The following EXD1 variants were observed in gnomAD, a reference collection of about 807,000 sequenced individuals.
The protein encoded by EXD1 is piRNA biogenesis protein EXD1.
In EXD1, 63 loss-of-function variants were observed where a neutral mutation model predicts 49.1. That is an observed-to-expected ratio of 1.28 (90% CI 1.05 to 1.58). The LOEUF (loss-of-function observed/expected upper bound fraction) is 1.58, where lower values mean the gene tolerates loss of function less well. EXD1 is among the 40% of genes most tolerant of loss of function. EXD1 has a pLI of 0.00. For missense variants in EXD1, 748 were observed against 666.0 expected, an observed-to-expected ratio of 1.12 and a Z score of -1.36; for synonymous variants, 234 against 239.2, an observed-to-expected ratio of 0.98 and a Z score of 0.20.
intron 6 of EXD1, among the ~76,000 whole-genome samples, 184 bp from the exon 7 acceptor site, chr15:41,209,771 T>A (rs1230316055): frequency 1.2e-5 from 1 of 80,562 alleles, no homozygotes; most frequent in Non-Finnish European, 3.0e-5. Context: ...ACTGAATACT[T>A]CTGATTCTTT....
At chr15:41,196,320 T>TTC (rs1251288829) in intron 7 of EXD1, among the ~76,000 whole-genome samples, 3 of 145,540 alleles carry the variant, frequency 2.1e-5, no homozygotes, top group African/African-American at 7.8e-5. Flanking sequence ...TAATTTTTTT[T>TTC]TTTTTTTTTT....
At chr15:41,206,132 A>G (rs1462569976) in intron 7 of EXD1, among the ~76,000 whole-genome samples, 5 of 152,152 alleles carry the variant, frequency 3.3e-5, no homozygotes, top group African/African-American at 1.2e-4. Flanking sequence ...GATTATGTGT[A>G]AAACTGATAA....
chr15:41,190,537 C>T (rs964221203), intron 10 of EXD1, among the ~76,000 whole-genome samples: 1 of 152,106 alleles, frequency 6.6e-6, no homozygotes, highest in Non-Finnish European at 1.5e-5. Context: ...TAATTTAAGA[C>T]ACTATCATTT....
chr15:41,221,399 G>C (rs2047086363), intron 2 of EXD1, among the ~76,000 whole-genome samples: 2 of 152,072 alleles, frequency 1.3e-5, no homozygotes, highest in African/African-American at 2.4e-5. Context: ...AGCCTTCCAA[G>C]TGGTTGGGAC....
intron 9 of EXD1, chr15:41,191,970 C>A: frequency 5.6e-6 from 1 of 179,048 alleles, no homozygotes; most frequent in Non-Finnish European, 1.2e-5. Context: ...TTTTAAGAGA[C>A]AGGGTCTTAC....
chr15:41,226,479 G>A lies in EXD1; in HGVS notation c.97C>T (p.His33Tyr). The A allele has an allele frequency of 6.5e-7, 1 of 1,536,030 alleles. No homozygotes were observed. The highest frequency in any genetic ancestry group is 8.7e-7 in the Non-Finnish European group (1 of 1,146,886). The change falls in exon 2 of 12, where the codon CAT (histidine) becomes TAT (tyrosine). Residue 33 changes from histidine (H) to tyrosine (Y), a missense_variant. By Grantham distance (83) the His-to-Tyr change is moderately conservative (BLOSUM62 2). Transcript: ENST00000458580. ...VCGVFEGVLQ[H>Y]VDPNKIVVLK... ...ACAACAATCTTATTAGGGTCAACAT[G>A]CTGAAGCACACCCTCGAAGACACCA...
At chr15:41,195,486 A>T (rs1365351704) in intron 9 of EXD1, among the ~76,000 whole-genome samples, 1 of 152,132 alleles carries the variant, frequency 6.6e-6, no homozygotes, top group Non-Finnish European at 1.5e-5. Context: ...AAATTGCTCA[A>T]GTTTCTGAAT....
intron 2 of EXD1, 22 bp from the exon 3 acceptor site, chr15:41,219,920 T>C (rs1283451048): frequency 6.6e-7 from 1 of 1,521,876 alleles, no homozygotes; most frequent in Non-Finnish European, 8.8e-7. Flanking sequence ...AACAATTCAT[T>C]CAGTTAATTA....
chr15:41,218,257 G>A (rs1356055354), intron 3 of EXD1, among the ~76,000 whole-genome samples: 1 of 152,040 alleles, frequency 6.6e-6, no homozygotes, highest in Non-Finnish European at 1.5e-5. Context: ...GGGTGAGGGG[G>A]GTGAATCATT....
rs184843962 is a variant in EXD1 at position 41,230,674 on chromosome 15, C to A, written c.-249G>T. 7.0e-5 allele frequency: 70 copies of A among 1,003,574 alleles called. No homozygotes were observed. In the East Asian group the frequency reaches 1.7e-3, roughly 25 times the overall value. The allele number at this position is 1,003,574 out of a possible 1,614,324, so 62.2% of individuals were successfully genotyped here. A position where few individuals can be genotyped will look rare whatever the true frequency, so the allele number is the denominator to read the frequency against. On this transcript the variant is annotated 5_prime_UTR_variant, in exon 1 of 12. Coordinates refer to ENST00000458580, the MANE Select transcript of EXD1 (RefSeq NM_001286441.2). ...CCGGCGGCGGTTATCAAATCACAGG[C>A]TGAAAACCTGGAGAAAGGTCCGCGA...
At chr15:41,187,579 T>A (rs2046433837) in intron 11 of EXD1, among the ~76,000 whole-genome samples, 1 of 152,184 alleles carries the variant, frequency 6.6e-6, no homozygotes, top group East Asian at 1.9e-4. Context: ...TAGAGTATTA[T>A]AATTTATTCA....
chr15:41,190,173 T>C (rs779969336), intron 10 of EXD1, 45 bp from the exon 11 acceptor site: 1 of 1,599,748 alleles, frequency 6.3e-7, no homozygotes, highest in Admixed American at 1.7e-5. Flanking sequence ...AGCAAGACTT[T>C]AAAGAAAATA....
At chr15:41,221,883 T>C (rs77192856) in intron 2 of EXD1, among the ~76,000 whole-genome samples, 24,705 of 151,446 alleles carry the variant, frequency 0.16, 3,753 homozygotes, top group African/African-American at 0.4. Flanking sequence ...GGGTGGATCA[T>C]GAGGTCAGGA....
At chr15:41,217,529 C>CTTTTTTTTT (rs3033817) in intron 3 of EXD1, among the ~76,000 whole-genome samples, 1 of 127,138 alleles carries the variant, frequency 7.9e-6, no homozygotes, top group African/African-American at 3.2e-5. Context: ...GAGGGTTTTC[C>CTTTTTTTTT]TTTTTTTTTT....
At chr15:41,193,120 G>A (rs1412287986) in intron 9 of EXD1, among the ~76,000 whole-genome samples, 3 of 151,896 alleles carry the variant, frequency 2.0e-5, no homozygotes, top group South Asian at 2.1e-4. Flanking sequence ...GTCTCACTAC[G>A]TTGTTCGGGC....
intron 11 of EXD1, among the ~76,000 whole-genome samples, chr15:41,185,992 A>G (rs1265850968): frequency 6.6e-6 from 1 of 151,854 alleles, no homozygotes; most frequent in Non-Finnish European, 1.5e-5. Context: ...CCTTTTTTCA[A>G]TTTCCATAGC....
At chr15:41,219,989 G>T in intron 2 of EXD1, 91 bp from the exon 3 acceptor site, 71 of 853,858 alleles carry the variant, frequency 8.3e-5, no homozygotes, top group East Asian at 9.3e-5. Context: ...CCAAGTCTGA[G>T]TTGTATTTAA....
Position 41,230,559 on chromosome 15 carries a change from A to G in EXD1, c.-134T>C, listed in dbSNP as rs1362349929. ...TTTGGGAAATCTGGATCCTAATTTC[A>G]GCCAAGTGGTGCGTTCCTCGAACTT... On this transcript the variant is annotated 5_prime_UTR_variant, in exon 1 of 12. Coordinates refer to ENST00000458580, the MANE Select transcript of EXD1 (RefSeq NM_001286441.2). 1 of 1,613,856 alleles carries G rather than the reference A, an allele frequency of 6.2e-7. No individual in the cohort carries two copies. The highest frequency in any genetic ancestry group is 8.5e-7 in the Non-Finnish European group (1 of 1,179,902).
chr15:41,184,659 T>G, intron 11 of EXD1, 66 bp from the exon 12 acceptor site: 1 of 792,974 alleles, frequency 1.3e-6, no homozygotes, highest in Non-Finnish European at 1.6e-6. Flanking sequence ...TTAAAATCAC[T>G]TTTTTTTTTT....
Sources: allele counts gnomAD v4.1 joint callset (sites outside exome capture counted in the v4.1 genomes callset), GRCh38; gene constraint gnomAD v4.1.1; transcripts MANE v1.5; gene names NCBI Gene and HGNC (gene_info 2026-07-23, HGNC 2026-07-21).